The following FANCI variants were observed in gnomAD, a reference collection of about 807,000 sequenced individuals.
The protein encoded by FANCI is Fanconi anemia group I protein.
FANCI carries 156 observed loss-of-function variants against 176.1 expected under a neutral mutation model. The observed-to-expected ratio is 0.89, with a 90% CI of 0.78 to 1.01. The LOEUF is 1.01. Ranked by LOEUF, FANCI falls within the 50% of genes least tolerant of loss-of-function variation. The probability of loss-of-function intolerance (pLI) is 0.00; values close to 1 mark genes in which losing one functional copy is unlikely to be tolerated. For missense variants in FANCI, 1,678 were observed against 1,534.1 expected (o/e 1.09, Z -1.57); for synonymous variants, 613 against 541.7 (o/e 1.13, Z -1.83).
rs766423095 is a variant in FANCI at position 89,281,336 on chromosome 15, T to C, written c.1512+36T>C. On this transcript the variant is annotated intron_variant, in intron 15 of 37. Transcript: ENST00000310775. ...AGATTCCCAAGTAACTTGCCAAAAC[T>C]GAGGTTTAACTGTCTAGTGGAAGTC... is the stretch of plus-strand genomic sequence containing the variant. The C allele has an allele frequency of 1.3e-5, 21 of 1,612,288 alleles. No individual in the cohort carries two copies. In the Admixed American group the frequency reaches 3.5e-4, roughly 27 times the overall value.
In FANCI at chr15:89,292,984, A is replaced by G. The variant is rs1423332049; in HGVS notation, c.2212A>G (p.Lys738Glu). The change falls in exon 22 of 38, where the codon AAA (lysine) becomes GAA (glutamate). Residue 738 changes from lysine to glutamate, a missense_variant. Lys to Glu is a moderately conservative substitution (Grantham distance 56, BLOSUM62 1). Coordinates refer to ENST00000310775, the MANE Select transcript of FANCI (RefSeq NM_001113378.2). ...DFSQSTSIGI[K>E]NNICAFLVMG... The stretch of plus-strand genomic sequence containing the variant: ...TTCTCAGAGCACCAGTATTGGCATA[A>G]AAAATAATATCTGTGCTTTTCTTGT... The G allele has an allele frequency of 6.2e-7, 1 of 1,613,976 alleles. No homozygotes were observed. Among genetic ancestry groups the G allele is most frequent in the Non-Finnish European group, 8.5e-7 (1 of 1,179,990 alleles).
rs760364969 is a variant in FANCI, at chr15:89,307,666, C to G, written c.3645C>G (p.Tyr1215Ter). The change falls in exon 34 of 38, where the codon TAC (tyrosine) becomes TAG (stop). Residue 1215 changes from tyrosine to a stop codon, truncating the protein, a stop_gained. Coordinates refer to ENST00000310775, the MANE Select transcript of FANCI (RefSeq NM_001113378.2). LOFTEE classifies it high-confidence loss of function. ...LTPLCYSFISYVQNKSKSLNY... is the reference protein window; with the variant it reads ...LTPLCYSFIS ...CCCTGTGTTATTCTTTCATTTCTTACGTACAGGTAAGAGATTCAGAGGCAG... is the reference window on the plus strand; with the variant it reads ...CCCTGTGTTATTCTTTCATTTCTTAGGTACAGGTAAGAGATTCAGAGGCAG... 15 of 1,613,964 alleles carry G rather than the reference C, an allele frequency of 9.3e-6. No homozygotes were observed. The highest frequency in any genetic ancestry group is 9.3e-6 in the Non-Finnish European group (11 of 1,180,026).
rs775838080 is a variant in FANCI at position 89,305,145 on chromosome 15, A to C, written c.3089A>C (p.Asn1030Thr). The change falls in exon 29 of 38, where the codon AAC becomes ACC. Residue 1030 changes from asparagine (N) to threonine (T), a missense_variant. By Grantham distance (65) the Asn-to-Thr change is moderately conservative. Coordinates refer to ENST00000310775, the MANE Select transcript of FANCI (RefSeq NM_001113378.2). The part of the protein sequence containing the change: ...EDALFCKSLM[N>T]LLFSLHVSYK... ...GCCTTGTTTTGCAAGAGCTTGATGAACTTGCTCTTCAGCCTGCATGTTTCG... is the reference window on the plus strand; with the variant it reads ...GCCTTGTTTTGCAAGAGCTTGATGACCTTGCTCTTCAGCCTGCATGTTTCG... The C allele has an allele frequency of 6.2e-7, 1 of 1,614,100 alleles. No individual in the cohort carries two copies. Among genetic ancestry groups the C allele is most frequent in the South Asian group, 1.1e-5 (1 of 91,082 alleles).
intron 17 of FANCI, among the ~76,000 whole-genome samples, chr15:89,283,996 C>T (rs979569665): frequency 1.3e-5 from 2 of 152,054 alleles, no homozygotes; most frequent in Admixed American, 6.5e-5. Context: ...CTCCTGACCT[C>T]GTGATCCACC....
chr15:89,274,026 G>A lies in FANCI; in HGVS notation c.976-142G>A, dbSNP rs75193032. 9.0e-4 allele frequency: 578 copies of A among 642,428 alleles called. 4 individuals carry two copies. The African/African-American group carries it at 9.5e-3, about 11-fold the overall frequency. The allele number at this position is 642,428 out of a possible 1,614,324, so 39.8% of individuals were successfully genotyped here. ...GTCATAGGGATATATGTGAATGGCA[G>A]CTCATAGGAACAGTTATAAGGTTAA... On this transcript the variant is annotated intron_variant, in intron 11 of 37. Transcript: ENST00000310775.
intron 2 of FANCI, among the ~76,000 whole-genome samples, chr15:89,252,969 A>G (rs1317506346): frequency 6.6e-6 from 1 of 152,242 alleles, no homozygotes; most frequent in Non-Finnish European, 1.5e-5. Context: ...TCATATAGCA[A>G]ATTGTACACA....
chr15:89,265,985 TG>T (rs1332535690), intron 9 of FANCI, among the ~76,000 whole-genome samples: 4 of 149,444 alleles, frequency 2.7e-5, no homozygotes, highest in Admixed American at 6.7e-5. Context: ...TTATTAGAGG[TG>T]GTTTCTTATT....
At chr15:89,247,069 C>CTTTTTT (rs762096766) in intron 1 of FANCI, among the ~76,000 whole-genome samples, 1 of 135,890 alleles carries the variant, frequency 7.4e-6, no homozygotes. Flanking sequence ...GTGCCGGCCT[C>CTTTTTT]TTTTTTTTTT....
chr15:89,293,744 A>T, intron 22 of FANCI, 89 bp from the exon 23 acceptor site: 2 of 1,224,580 alleles, frequency 1.6e-6, no homozygotes, highest in Non-Finnish European at 2.4e-6. Context: ...TATGACATTT[A>T]AAGAAGCATT....
Position 89,291,596 on chromosome 15 carries a change from T to C in FANCI, c.1891-17T>C. ...CATTTATGAGCCAAGATGTCTTTTT[T>C]TTCTTACTATACACAGTTAAAACAG... On this transcript the variant is annotated splice_polypyrimidine_tract_variant and intron_variant, in intron 19 of 37. Transcript: ENST00000310775. 1 of 1,605,110 alleles carries C rather than the reference T, an allele frequency of 6.2e-7. No individual in the cohort carries two copies. Among genetic ancestry groups the C allele is most frequent in the Non-Finnish European group, 8.5e-7 (1 of 1,172,098 alleles).
intron 34 of FANCI, among the ~76,000 whole-genome samples, chr15:89,310,505 T>C (rs1172846750): frequency 3.3e-5 from 5 of 152,258 alleles, no homozygotes; most frequent in Non-Finnish European, 7.3e-5. Flanking sequence ...ATTTCCTCCC[T>C]AGGCATTTTC....
At chr15:89,246,981 A>G (rs993793836) in intron 1 of FANCI, among the ~76,000 whole-genome samples, 9 of 151,276 alleles carry the variant, frequency 5.9e-5, no homozygotes, top group Non-Finnish European at 1.3e-4. Context: ...GTGTTAGCCA[A>G]AATGGTCTCG....
intron 27 of FANCI, among the ~76,000 whole-genome samples, chr15:89,302,510 T>C (rs903153053): frequency 6.6e-6 from 1 of 152,144 alleles, no homozygotes; most frequent in Non-Finnish European, 1.5e-5. Context: ...TTTTAAACTT[T>C]TAGATTTTTA....
intron 16 of FANCI, 44 bp downstream of exon 16, chr15:89,281,879 A>G (rs984753855): frequency 3.2e-6 from 5 of 1,562,666 alleles, no homozygotes; most frequent in Non-Finnish European, 4.4e-6. Context: ...TTGTCTTCTA[A>G]TGTTGGAGCT....
In FANCI at chr15:89,306,045, G is replaced by A. The variant is rs1423288690; in HGVS notation, c.3388G>A (p.Val1130Ile). The change falls in exon 32 of 38, where the codon GTT (valine) becomes ATT (isoleucine). Residue 1130 changes from valine to isoleucine, a missense_variant. By Grantham distance (29) the Val-to-Ile change is conservative. This residue lies in a region of FANCI where 1,204 missense variants were observed against 1,077.4 expected (regional missense o/e 1.12). Coordinates refer to ENST00000310775, the MANE Select transcript of FANCI (RefSeq NM_001113378.2). ...SSQATLPNQP[V>I]EKAIIMQLGT... ...TCAGGCAACCCTACCAAATCAGCCT[G>A]TTGAGAAAGCTATCATCATGCAACT... 1 of 1,614,174 alleles carries A rather than the reference G, an allele frequency of 6.2e-7. No homozygotes were observed. Among genetic ancestry groups the A allele is most frequent in the Admixed American group, 1.7e-5 (1 of 60,024 alleles).
rs955364612 is a variant in FANCI at position 89,316,627 on chromosome 15, T to C, written c.*168T>C. On this transcript the variant is annotated 3_prime_UTR_variant, in exon 38 of 38. Transcript: ENST00000310775. ...AAGGAATCTTCTTGGCAGGTCCTGC[T>C]ACTGAAAAATGGCTGGCCTTAGGCA... The C allele has an allele frequency of 5.3e-6, 6 of 1,125,250 alleles. No homozygotes were observed. The highest frequency in any genetic ancestry group is 8.1e-6 in the Non-Finnish European group (6 of 745,192). 69.7% of individuals were successfully genotyped at this position (1,125,250 alleles called of 1,614,324 possible).
intron 12 of FANCI, 93 bp downstream of exon 12, chr15:89,274,397 C>A: frequency 7.1e-7 from 1 of 1,417,526 alleles, no homozygotes; most frequent in Admixed American, 1.7e-5. Flanking sequence ...TGAGGGGAAA[C>A]TGATGACTTA....
rs1438831605 is a variant in FANCI, at chr15:89,263,891, T to A, written c.546-12T>A. On this transcript the variant is annotated splice_polypyrimidine_tract_variant and intron_variant, in intron 7 of 37. Coordinates refer to ENST00000310775, the MANE Select transcript of FANCI (RefSeq NM_001113378.2). Reference sequence around the variant, plus strand: ...GACACTGTCTATAGCCTTTAGAATCTTTGATCCACAGGGATGTCCCTCTGA... The same window carrying A: ...GACACTGTCTATAGCCTTTAGAATCATTGATCCACAGGGATGTCCCTCTGA... 1 of 1,613,950 alleles carries A rather than the reference T, an allele frequency of 6.2e-7. No individual in the cohort carries two copies. The highest frequency in any genetic ancestry group is 8.5e-7 in the Non-Finnish European group (1 of 1,179,950).
chr15:89,293,077 A>G lies in FANCI; in HGVS notation c.2291+14A>G, dbSNP rs1278827204. 4.3e-6 allele frequency: 7 copies of G among 1,612,206 alleles called. No individual in the cohort carries two copies. The highest frequency in any genetic ancestry group is 5.9e-6 in the Non-Finnish European group (7 of 1,179,266). ...AAGTAGTTTCAGGTAAGGTTTTGCT[A>G]TAACTCCATTTGTAATTTGATGAAT... On this transcript the variant is annotated intron_variant, in intron 22 of 37. Coordinates refer to ENST00000310775, the MANE Select transcript of FANCI (RefSeq NM_001113378.2).
Sources: gnomAD v4.1 joint callset for allele counts (sites outside exome capture counted in the v4.1 genomes callset) on GRCh38, gnomAD v4.1.1 for gene constraint, gnomAD v4.1.1 regional missense constraint, MANE v1.5 for transcripts, NCBI Gene and HGNC (gene_info 2026-07-23, HGNC 2026-07-21) for gene names.